The following TAAR5 variants were observed in gnomAD, a reference collection of about 807,000 sequenced individuals.
TAAR5 encodes trace amine associated receptor 5, also known as trace amine-associated receptor 5.
In TAAR5, 27 loss-of-function variants were observed where a neutral mutation model predicts 21.1. The ratio of observed to expected loss-of-function variants is 1.28; its 90% CI spans 0.94 to 1.76. The LOEUF is 1.76. TAAR5 is among the 40% of genes most tolerant of loss of function. The pLI is 0.00. For synonymous variants in TAAR5, 203 were observed against 167.5 expected (o/e 1.21, Z -1.64); for missense variants, 495 against 405.6 (o/e 1.22, Z -1.89).
At chr6:132,609,445 T>G in the TAAR5 span, 1 of 164,152 alleles carries the variant, frequency 6.1e-6, no homozygotes, top group Non-Finnish European at 1.3e-5. Flanking sequence ...TTATATCAAC[T>G]GTGTTTGCTT....
chr6:132,588,742 T>C lies in TAAR5; in HGVS notation c.945A>G (p.Ala315=). The C allele has an allele frequency of 6.2e-7, 1 of 1,614,056 alleles. No homozygotes were observed. Among genetic ancestry groups the C allele is most frequent in the Middle Eastern group, 1.6e-4 (1 of 6,062 alleles). The stretch of plus-strand genomic sequence containing the variant: ...CCTTCTGGCTCAGTGTGAGTTTCAG[T>C]GCCTTCCGAAACCACTGGTAGGAAA... ...YVFSYQWFRK[A]LKLTLSQKVF... is the part of the protein sequence containing the mutation. The change falls in exon 1 of 1, where the codon GCA becomes GCG. Residue 315 remains alanine (A), a synonymous_variant. Transcript: ENST00000258034.
the TAAR5 span, among the ~76,000 whole-genome samples, chr6:132,604,257 C>T: frequency 6.6e-6 from 1 of 150,850 alleles, no homozygotes; most frequent in African/African-American, 2.4e-5. Context: ...AATTCTCCTG[C>T]CTCAGCCTCC....
At chr6:132,605,681 G>C in the TAAR5 span, among the ~76,000 whole-genome samples, 2 of 152,040 alleles carry the variant, frequency 1.3e-5, no homozygotes, top group Admixed American at 6.6e-5. Context: ...ACACTACCTG[G>C]GTAATGGGAT....
the TAAR5 span, among the ~76,000 whole-genome samples, chr6:132,614,513 GAATA>G: frequency 2.6e-5 from 4 of 151,340 alleles, no homozygotes; most frequent in Non-Finnish European, 4.4e-5. Flanking sequence ...TTGAAGAAGA[GAATA>G]AATCAGCAAT....
the TAAR5 span, among the ~76,000 whole-genome samples, chr6:132,604,465 AAAG>A: frequency 6.6e-6 from 1 of 151,986 alleles, no homozygotes; most frequent in Non-Finnish European, 1.5e-5. Context: ...CTAAAAGCAA[AAAG>A]AACACAGAAA....
At chr6:132,601,018 GGGGAAGGA>G in the TAAR5 span, among the ~76,000 whole-genome samples, 150 of 13,732 alleles carry the variant, frequency 0.011, 1 homozygote, top group South Asian at 0.015. Context: ...GGAAGGAAGG[GGGGAAGGA>G]GGGAAGGAGG....
chr6:132,607,262 TCTC>T, the TAAR5 span, among the ~76,000 whole-genome samples: 5 of 152,036 alleles, frequency 3.3e-5, no homozygotes, highest in South Asian at 1.0e-3. Context: ...CTACTCTCCT[TCTC>T]CTTCTCCTTC....
At chr6:132,602,960 A>G in the TAAR5 span, among the ~76,000 whole-genome samples, 1 of 152,140 alleles carries the variant, frequency 6.6e-6, no homozygotes, top group Non-Finnish European at 1.5e-5. Flanking sequence ...GATGTTTCAG[A>G]TAACATTGCA....
chr6:132,589,691 G>T lies in TAAR5; in HGVS notation c.-5C>A, dbSNP rs746087718. On this transcript the variant is annotated 5_prime_UTR_variant, in exon 1 of 1. Transcript: ENST00000258034. ...TTGGATGAAGACAGCTCTCATTTAT[G>T]ATTTCTACTCTTCCTCTGTCTGAGA... The T allele has an allele frequency of 2.4e-6, 3 of 1,259,966 alleles. No homozygotes were observed. Among genetic ancestry groups the T allele is most frequent in the East Asian group, 1.1e-4 (2 of 18,846 alleles). 78.0% of individuals were successfully genotyped at this position (1,259,966 alleles called of 1,614,324 possible).
chr6:132,608,791 G>T, the TAAR5 span: 2 of 455,872 alleles, frequency 4.4e-6, no homozygotes, highest in Non-Finnish European at 8.8e-6. Context: ...TAAACCAAAA[G>T]AAAAAAGAGC....
chr6:132,610,221 A>T, the TAAR5 span, among the ~76,000 whole-genome samples: 2 of 152,168 alleles, frequency 1.3e-5, no homozygotes, highest in Admixed American at 6.5e-5. Flanking sequence ...TTCGGAATAC[A>T]CATCAATCTG....
chr6:132,594,557 T>C (rs1392709348), upstream of TAAR5: 2 of 152,128 alleles, frequency 1.3e-5, no homozygotes, highest in Non-Finnish European at 2.9e-5. Flanking sequence ...ATTGTACAGA[T>C]CTTCAAGGGT....
the TAAR5 span, chr6:132,594,904 GCACCAAT>G: frequency 6.6e-6 from 1 of 152,182 alleles, no homozygotes; most frequent in African/African-American, 2.4e-5. Context: ...AAACTCTTCT[GCACCAAT>G]TATGTTTAGT....
chr6:132,598,116 T>C, the TAAR5 span, among the ~76,000 whole-genome samples: 3 of 152,222 alleles, frequency 2.0e-5, no homozygotes, highest in Admixed American at 2.0e-4. Context: ...TCTTACTGGT[T>C]ACATAGCCCA....
the TAAR5 span, among the ~76,000 whole-genome samples, chr6:132,595,827 G>T: frequency 5.9e-5 from 9 of 152,070 alleles, no homozygotes; most frequent in African/African-American, 2.2e-4. Flanking sequence ...ATCTCCTCAA[G>T]GATTATGAAG....
chr6:132,596,260 T>C, the TAAR5 span, among the ~76,000 whole-genome samples: 1 of 152,228 alleles, frequency 6.6e-6, no homozygotes, highest in Non-Finnish European at 1.5e-5. Context: ...GTTTAATCTA[T>C]CATTTTGTAT....
upstream of TAAR5, among the ~76,000 whole-genome samples, chr6:132,590,935 A>C (rs986079304): frequency 6.6e-6 from 1 of 152,136 alleles, no homozygotes; most frequent in Non-Finnish European, 1.5e-5. Context: ...TTCTCTCAAC[A>C]TGAGAAATAG....
chr6:132,606,879 T>C, the TAAR5 span, among the ~76,000 whole-genome samples: 1 of 152,190 alleles, frequency 6.6e-6, no homozygotes, highest in African/African-American at 2.4e-5. Context: ...CACCTAAGGC[T>C]GACCTTGGTC....
chr6:132,606,861 CA>C, the TAAR5 span, among the ~76,000 whole-genome samples: 3 of 152,116 alleles, frequency 2.0e-5, no homozygotes, highest in Non-Finnish European at 4.4e-5. Flanking sequence ...TTTCCGATTT[CA>C]AAGTTTCACC....
Sources: allele counts gnomAD v4.1 joint callset (sites outside exome capture counted in the v4.1 genomes callset), GRCh38; gene constraint gnomAD v4.1.1; transcripts MANE v1.5; gene names NCBI Gene and HGNC (gene_info 2026-07-23, HGNC 2026-07-21).